The following OPCML variants were observed in gnomAD, a reference collection of about 807,000 sequenced individuals.
The protein encoded by OPCML is opioid-binding protein/cell adhesion molecule.
In OPCML, 13 loss-of-function variants were observed where a neutral mutation model predicts 37.8. The observed-to-expected ratio is 0.34, with a 90% confidence interval of 0.22 to 0.55. OPCML has a LOEUF of 0.55. Ranked by LOEUF, OPCML falls within the 20% of genes least tolerant of loss-of-function variation. The probability of loss-of-function intolerance (pLI) is 0.91; values close to 1 mark genes in which losing one functional copy is unlikely to be tolerated. For missense variants in OPCML, 341 were observed against 435.6 expected (o/e 0.78, Z 1.93); for synonymous variants, 176 against 168.8 (o/e 1.04, Z -0.33).
chr11:133,003,654 T>C lies in OPCML; in HGVS notation c.62-60644A>G, dbSNP rs570050361. 7 of 985,278 alleles carry C rather than the reference T, an allele frequency of 7.1e-6. No homozygotes were observed. In the African/African-American group the frequency reaches 8.7e-5, roughly 12 times the overall value. The allele number at this position is 985,278 out of a possible 1,614,324, so 61.0% of individuals were successfully genotyped here. A position where few individuals can be genotyped will look rare whatever the true frequency, so the allele number is the denominator to read the frequency against. On this transcript the variant is annotated intron_variant, in intron 1 of 7. Transcript: ENST00000524381. ...CAATATTCTATTGTTTTGTGGAACA[T>C]ACTAAAAAAACAAACAAAATACCCA...
intron 2 of OPCML, among the ~76,000 whole-genome samples, chr11:132,931,389 C>T (rs1401243568): frequency 1.3e-5 from 2 of 152,080 alleles, no homozygotes; most frequent in Non-Finnish European, 1.5e-5. Flanking sequence ...AGGCAATCCA[C>T]AGAATGGGAG....
chr11:132,582,383 T>C (rs80274289), intron 3 of OPCML, among the ~76,000 whole-genome samples: 8 of 152,016 alleles, frequency 5.3e-5, no homozygotes, highest in African/African-American at 1.9e-4. Flanking sequence ...AGAAATAGAA[T>C]AGACACTGCT....
In OPCML at chr11:132,990,153, G is replaced by A. The variant is rs139748076; in HGVS notation, c.62-47143C>T. 3.6e-3 allele frequency among the ~76,000 whole-genome samples: 548 copies of A among 152,264 alleles called. 6 individuals carry two copies. Among genetic ancestry groups the A allele is most frequent in the Non-Finnish European group, 6.1e-3 (412 of 68,026 alleles). On this transcript the variant is annotated intron_variant, in intron 1 of 7. Coordinates refer to ENST00000524381, the MANE Select transcript of OPCML (RefSeq NM_001012393.5). ...GCCATAACCATGACTGAAAGCAGGC[G>A]GGGTCATTCCAGAAAGATGCTTTCC...
At chr11:132,701,998 C>T (rs149658337) in intron 2 of OPCML, among the ~76,000 whole-genome samples, 63 of 152,074 alleles carry the variant, frequency 4.1e-4, no homozygotes, top group African/African-American at 1.3e-3. Flanking sequence ...TCACAATTTA[C>T]GTATTTTATA....
At position 132,415,797 on chromosome 11, in the gene OPCML, A is replaced by G. The variant is rs2095936687; in HGVS notation, c.*4396T>C. 1 of 152,640 alleles carries G rather than the reference A, an allele frequency of 6.6e-6. No individual in the cohort carries two copies. Among genetic ancestry groups the G allele is most frequent in the African/African-American group, 2.4e-5 (1 of 41,448 alleles). 9.5% of individuals were successfully genotyped at this position (152,640 alleles called of 1,614,324 possible). A position where few individuals can be genotyped will look rare whatever the true frequency, so the allele number is the denominator to read the frequency against. On this transcript the variant is annotated 3_prime_UTR_variant, in exon 8 of 8. Transcript: ENST00000524381. ...CCCTATCTTTTTTGCCACATCTTTA[A>G]TTACAAATCTATTTCTTCTTCCTTT...
intron 7 of OPCML, among the ~76,000 whole-genome samples, chr11:132,427,952 T>C (rs1467473290): frequency 6.6e-6 from 1 of 152,152 alleles, no homozygotes; most frequent in Non-Finnish European, 1.5e-5. Flanking sequence ...CCAAAAGCAA[T>C]GGTGTTTCTC....
chr11:132,925,765 C>T (rs539788537), intron 2 of OPCML, among the ~76,000 whole-genome samples: 147 of 152,222 alleles, frequency 9.7e-4, no homozygotes, highest in African/African-American at 3.4e-3. Context: ...AATTCTCTGA[C>T]GGATCTGAGA....
intron 1 of OPCML, among the ~76,000 whole-genome samples, chr11:133,018,147 T>G (rs1192663886): frequency 2.6e-5 from 4 of 152,170 alleles, no homozygotes; most frequent in Non-Finnish European, 5.9e-5. Flanking sequence ...AATCTCTCTC[T>G]TATTTAAGAG....
chr11:133,296,157 A>T (rs112739803), intron 1 of OPCML, among the ~76,000 whole-genome samples: 1 of 152,354 alleles, frequency 6.6e-6, no homozygotes, highest in African/African-American at 2.4e-5. Flanking sequence ...ATGATGAATG[A>T]AGGACATGTC....
chr11:133,478,589 A>G (rs1489445669), intron 1 of OPCML, among the ~76,000 whole-genome samples: 2 of 152,220 alleles, frequency 1.3e-5, no homozygotes, highest in South Asian at 2.1e-4. Flanking sequence ...CTTTCAAGCC[A>G]TCTTTCTTCC....
intron 2 of OPCML, among the ~76,000 whole-genome samples, chr11:132,925,271 T>C (rs1944949167): frequency 6.6e-6 from 1 of 152,244 alleles, no homozygotes; most frequent in Non-Finnish European, 1.5e-5. Context: ...CTGAGTCTTA[T>C]GCTGATGTTT....
At chr11:132,699,301 G>A (rs1943717704) in intron 2 of OPCML, among the ~76,000 whole-genome samples, 1 of 152,040 alleles carries the variant, frequency 6.6e-6, no homozygotes, top group Non-Finnish European at 1.5e-5. Flanking sequence ...TGCAAACGGA[G>A]ACAATTTTAC....
intron 4 of OPCML, among the ~76,000 whole-genome samples, chr11:132,453,040 C>T (rs79120040): frequency 0.02 from 3,096 of 152,292 alleles, 79 homozygotes; most frequent in African/African-American, 0.052. Flanking sequence ...TAGAGTTGCT[C>T]AAAGTTGAAG....
chr11:133,448,040 G>A (rs887934957), intron 1 of OPCML, among the ~76,000 whole-genome samples: 1 of 152,066 alleles, frequency 6.6e-6, no homozygotes, highest in Non-Finnish European at 1.5e-5. Context: ...TCTAAATTTT[G>A]AAAAAGTCCA....
intron 1 of OPCML, among the ~76,000 whole-genome samples, chr11:132,992,531 G>A (rs1361950946): frequency 1.3e-5 from 2 of 151,950 alleles, no homozygotes; most frequent in Non-Finnish European, 2.9e-5. Context: ...AGCATCGAGG[G>A]TGCGACGGAA....
chr11:133,289,520 G>A (rs1372624701), intron 1 of OPCML, among the ~76,000 whole-genome samples: 7 of 149,322 alleles, frequency 4.7e-5, no homozygotes, highest in Admixed American at 2.7e-4. Flanking sequence ...GCGTGAACCC[G>A]GGAGGCGGAG....
chr11:133,506,791 G>A lies in OPCML; in HGVS notation c.61+25473C>T, dbSNP rs148722471. 3.8e-3 allele frequency among the ~76,000 whole-genome samples: 575 copies of A among 152,278 alleles called. 4 individuals carry two copies. Among genetic ancestry groups the A allele is most frequent in the Non-Finnish European group, 3.9e-3 (266 of 68,032 alleles). On this transcript the variant is annotated intron_variant, in intron 1 of 7. Coordinates refer to ENST00000524381, the MANE Select transcript of OPCML (RefSeq NM_001012393.5). ...AATGGTTACTGTTTAATCAGCATAC[G>A]CCACTGCCCATGTGCTGTCCTGGGG...
At chr11:133,494,680 A>G (rs1239040982) in intron 1 of OPCML, among the ~76,000 whole-genome samples, 2 of 135,308 alleles carry the variant, frequency 1.5e-5, no homozygotes, top group African/African-American at 3.0e-5. Context: ...ATGAGAACAC[A>G]TGGACACAGG....
intron 1 of OPCML, among the ~76,000 whole-genome samples, chr11:133,199,139 A>T (rs1445161162): frequency 6.6e-6 from 1 of 152,114 alleles, no homozygotes; most frequent in East Asian, 1.9e-4. Context: ...ATTTTGGGCA[A>T]ACCTAGGTCT....
Sources: allele counts gnomAD v4.1 joint callset (sites outside exome capture counted in the v4.1 genomes callset), GRCh38; gene constraint gnomAD v4.1.1; transcripts MANE v1.5; gene names NCBI Gene and HGNC (gene_info 2026-07-23, HGNC 2026-07-21).